Variants in UVRAG observed in about 807,000 individuals in gnomAD.
The protein encoded by UVRAG is UV radiation resistance associated.
A neutral mutation model predicts 78.0 loss-of-function variants in UVRAG; 19 were observed. The ratio of observed to expected loss-of-function variants is 0.24; its 90% confidence interval spans 0.17 to 0.36. UVRAG has a LOEUF of 0.36. UVRAG is among the 10% of genes least tolerant of loss of function. The pLI, the probability that UVRAG is intolerant of heterozygous loss-of-function variation, is 1.00. For synonymous variants in UVRAG, 323 were observed against 324.6 expected, an observed-to-expected ratio of 1.00 and a Z score of 0.05; for missense variants, 740 against 853.8, an observed-to-expected ratio of 0.87 and a Z score of 1.66.
In UVRAG at chr11:75,821,505, C is replaced by T. The variant is rs1181171191; in HGVS notation, c.117+5981C>T. On this transcript the variant is annotated intron_variant, in intron 1 of 14. Coordinates refer to ENST00000356136, the MANE Select transcript of UVRAG (RefSeq NM_003369.4). ...GACTACAATGGCATGTGCCTCCACGCCCAGCTAATTTGAAAATTTTTCGTA... is the reference window on the plus strand; with the variant it reads ...GACTACAATGGCATGTGCCTCCACGTCCAGCTAATTTGAAAATTTTTCGTA... Among the ~76,000 whole-genome samples, 3 of 152,104 alleles carry T rather than the reference C, an allele frequency of 2.0e-5. No individual in the cohort carries two copies. The South Asian group carries it at 6.2e-4, about 32-fold the overall frequency.
chr11:76,023,240 G>A (rs578072556), intron 12 of UVRAG, among the ~76,000 whole-genome samples: 20 of 152,206 alleles, frequency 1.3e-4, no homozygotes, highest in African/African-American at 4.8e-4. Flanking sequence ...CTTTCTGGTT[G>A]CACTAAGCCT....
intron 12 of UVRAG, among the ~76,000 whole-genome samples, chr11:76,035,527 A>G (rs548094959): frequency 6.6e-6 from 1 of 152,312 alleles, no homozygotes; most frequent in South Asian, 2.1e-4. Flanking sequence ...ATTATTAAAT[A>G]CTAATTCAAA....
At chr11:76,055,861 C>T (rs1442479598) in intron 12 of UVRAG, among the ~76,000 whole-genome samples, 1 of 152,154 alleles carries the variant, frequency 6.6e-6, no homozygotes, top group Non-Finnish European at 1.5e-5. Context: ...AGGTGCCCGC[C>T]ACCACACCTG....
rs34827474 is a variant in UVRAG at position 76,045,700 on chromosome 11, TAA to T, written c.1227-19996_1227-19995del. Among the ~76,000 whole-genome samples the T allele has an allele frequency of 8.5e-3, 1,111 of 130,868 alleles. 13 individuals are homozygous for T. Among genetic ancestry groups the T allele is most frequent in the African/African-American group, 0.03 (1,037 of 34,544 alleles). The allele number at this position is 130,868 out of a possible 152,430, so 85.9% of individuals were successfully genotyped here. The stretch of plus-strand genomic sequence containing the variant: ...GCTGGAGGTAAAGTTGTTTTTCTCT[TAA>T]AAAAAAAAAAAAAGCCGGAGATCAA... On this transcript the variant is annotated intron_variant, in intron 12 of 14. Coordinates refer to ENST00000356136, the MANE Select transcript of UVRAG (RefSeq NM_003369.4).
At position 75,931,477 on chromosome 11, in the gene UVRAG, A is replaced by G. The variant is rs867944192; in HGVS notation, c.593+19438A>G. Among the ~76,000 whole-genome samples, 7 of 152,204 alleles carry G rather than the reference A, an allele frequency of 4.6e-5. No homozygotes were observed. The South Asian group carries it at 6.2e-4, about 14-fold the overall frequency. On this transcript the variant is annotated intron_variant, in intron 6 of 14. Transcript: ENST00000356136. ...TACCATCTTTCCTTTTGTTCCCCAA[A>G]CAAACTTAGCCCCCAATTGCACCTG...
At chr11:76,065,874 C>G in intron 13 of UVRAG, 86 bp downstream of exon 13, 3 of 1,223,902 alleles carry the variant, frequency 2.5e-6, no homozygotes, top group Non-Finnish European at 3.5e-6. Context: ...TATAAATATG[C>G]ACTGCAGTTG....
chr11:75,916,325 A>G (rs1302904533), intron 6 of UVRAG: 1 of 152,202 alleles, frequency 6.6e-6, no homozygotes, highest in Non-Finnish European at 1.5e-5. Flanking sequence ...TGTCTCTTCT[A>G]TTAGGAATAT....
chr11:75,828,921 A>G (rs998862989), intron 1 of UVRAG, among the ~76,000 whole-genome samples: 1 of 149,686 alleles, frequency 6.7e-6, no homozygotes, highest in African/African-American at 2.5e-5. Context: ...GGGTTTTGCC[A>G]TGTTGCCCAG....
Position 75,891,290 on chromosome 11 carries a change from A to C in UVRAG, c.507+2387A>C, listed in dbSNP as rs149600803. 4.9e-3 allele frequency among the ~76,000 whole-genome samples: 750 copies of C among 152,210 alleles called. 4 individuals are homozygous for C. The highest frequency in any genetic ancestry group is 0.016 in the African/African-American group (685 of 41,528). ...TTGGGGTATGCAGTTTGCTTAGTAA[A>C]AGTGTTTGTGATTTAATGAAATAAT... On this transcript the variant is annotated intron_variant, in intron 5 of 14. Transcript: ENST00000356136.
intron 12 of UVRAG, among the ~76,000 whole-genome samples, chr11:76,062,456 G>A (rs979375094): frequency 1.3e-5 from 2 of 152,016 alleles, no homozygotes; most frequent in African/African-American, 4.8e-5. Flanking sequence ...CTCCTGTAAC[G>A]CATATACCAT....
intron 12 of UVRAG, among the ~76,000 whole-genome samples, chr11:76,065,141 C>G (rs763120739): frequency 4.6e-5 from 7 of 152,158 alleles, no homozygotes; most frequent in Non-Finnish European, 1.0e-4. Context: ...TGTATGAGAG[C>G]CTTATGGCAT....
chr11:75,921,137 C>T (rs1947971719), intron 6 of UVRAG, among the ~76,000 whole-genome samples: 1 of 152,142 alleles, frequency 6.6e-6, no homozygotes, highest in African/African-American at 2.4e-5. Context: ...TGTATTGTTT[C>T]AATTGTTAGA....
chr11:75,851,872 T>C lies in UVRAG; in HGVS notation c.118-11T>C, dbSNP rs1946159761. The C allele has an allele frequency of 6.3e-7, 1 of 1,593,362 alleles. No individual in the cohort carries two copies. Among genetic ancestry groups the C allele is most frequent in the Non-Finnish European group, 8.5e-7 (1 of 1,174,136 alleles). On this transcript the variant is annotated splice_polypyrimidine_tract_variant and intron_variant, in intron 1 of 14. Coordinates refer to ENST00000356136, the MANE Select transcript of UVRAG (RefSeq NM_003369.4). ...TCTGAATGCCTTCTCTTTTTTGTTG[T>C]TATTTTTCAGCGGCGTCTTCGACAT... is the stretch of plus-strand genomic sequence containing the variant.
At chr11:75,981,882 A>G (rs1434318290) in intron 7 of UVRAG, among the ~76,000 whole-genome samples, 1 of 147,668 alleles carries the variant, frequency 6.8e-6, no homozygotes, top group Non-Finnish European at 1.5e-5. Flanking sequence ...TTGGTTCTTT[A>G]TATCTTCTGT....
At chr11:75,950,062 A>G (rs1241868861) in intron 6 of UVRAG, among the ~76,000 whole-genome samples, 2 of 152,104 alleles carry the variant, frequency 1.3e-5, no homozygotes, top group African/African-American at 2.4e-5. Flanking sequence ...GAATTTATCC[A>G]TGTTCTTGTA....
intron 8 of UVRAG, among the ~76,000 whole-genome samples, chr11:75,988,007 C>T (rs1055192713): frequency 4.6e-5 from 7 of 152,028 alleles, no homozygotes; most frequent in Admixed American, 4.6e-4. Context: ...CAAAGTGCTG[C>T]GATTACAGGC....
chr11:75,980,907 C>T (rs1311362155), intron 7 of UVRAG, among the ~76,000 whole-genome samples: 1 of 152,028 alleles, frequency 6.6e-6, no homozygotes, highest in Non-Finnish European at 1.5e-5. Context: ...TCTCAAACTC[C>T]TGACTTCAGG....
chr11:75,994,358 T>C (rs1949666511), intron 8 of UVRAG, among the ~76,000 whole-genome samples: 1 of 152,180 alleles, frequency 6.6e-6, no homozygotes. Flanking sequence ...TCATTGTATA[T>C]GTGAGGTACT....
At chr11:76,034,595 G>A (rs1950497608) in intron 12 of UVRAG, among the ~76,000 whole-genome samples, 1 of 152,044 alleles carries the variant, frequency 6.6e-6, no homozygotes, top group South Asian at 2.1e-4. Flanking sequence ...TTAACATAAG[G>A]TCAATGTGGG....
Sources: gnomAD v4.1 joint callset for allele counts (sites outside exome capture counted in the v4.1 genomes callset) on GRCh38, gnomAD v4.1.1 for gene constraint, MANE v1.5 for transcripts, NCBI Gene and HGNC (gene_info 2026-07-23, HGNC 2026-07-21) for gene names.